The following RGS3 variants were observed in gnomAD, a reference collection of about 807,000 sequenced individuals.
The protein encoded by RGS3 is regulator of G-protein signalling 3.
A neutral mutation model predicts 132.6 loss-of-function variants in RGS3; 80 were observed. The observed-to-expected ratio is 0.60, with a 90% CI of 0.50 to 0.73. The LOEUF (loss-of-function observed/expected upper bound fraction) is 0.73, where lower values mean the gene tolerates loss of function less well. RGS3 is among the 30% of genes least tolerant of loss of function. The pLI is 0.00. For missense variants in RGS3, 1,382 were observed against 1,530.8 expected (o/e 0.90, Z 1.62); for synonymous variants, 598 against 620.6 (o/e 0.96, Z 0.54).
At chr9:113,475,966 G>A (rs1588142808) in intron 3 of RGS3, among the ~76,000 whole-genome samples, 3 of 151,036 alleles carry the variant, frequency 2.0e-5, no homozygotes, top group South Asian at 4.2e-4. Context: ...GTCTCACGCT[G>A]TTCCCCAAGG....
exon 5 of RGS3, chr9:113,483,094 G>C: frequency 1.2e-6 from 2 of 1,613,284 alleles, no homozygotes; most frequent in Non-Finnish European, 1.7e-6. Flanking sequence ...CAAACAGCCT[G>C]GCACCTGTGA....
chr9:113,514,292 A>T (rs1449071545), intron 14 of RGS3, among the ~76,000 whole-genome samples, 166 bp from the exon 13 acceptor site: 1 of 152,302 alleles, frequency 6.6e-6, no homozygotes, highest in Non-Finnish European at 1.5e-5. Context: ...GCCCGAGCCC[A>T]TGTGAAGCCT....
rs1374288781 is a variant in RGS3, at chr9:113,565,821, G to C, written c.2038-17629G>C. The C allele has an allele frequency of 5.2e-6, 1 of 192,422 alleles. No individual in the cohort carries two copies. Among genetic ancestry groups the C allele is most frequent in the Non-Finnish European group, 1.1e-5 (1 of 92,372 alleles). The allele number at this position is 192,422 out of a possible 1,614,324, so 11.9% of individuals were successfully genotyped here. On this transcript the variant is annotated intron_variant, in intron 19 of 24. Transcript: ENST00000350696. The surrounding 1 kb of genome is among the most constrained non-coding windows in gnomAD (Gnocchi z 5.7). ...TTTCTATTGTTTCTTCCCCAGGGCA[G>C]CCATTGATAGGCATGTTGCAACCAA... is the stretch of plus-strand genomic sequence containing the variant.
At position 113,565,454 on chromosome 9, in the gene RGS3, T is replaced by C; in HGVS notation, c.2038-17996T>C. On this transcript the variant is annotated intron_variant, in intron 19 of 24. Transcript: ENST00000350696. This position sits in a 1 kb window ranked among gnomAD's most constrained non-coding sequence, Gnocchi z 5.7. ...GAGGAGGGACGGGTGATGCAAGGGT[T>C]TTGAAAGCGCTACCTAGATGTGGGA... The C allele has an allele frequency of 1.7e-6, 2 of 1,153,750 alleles. No individual in the cohort carries two copies. Among genetic ancestry groups the C allele is most frequent in the South Asian group, 1.3e-5 (1 of 77,816 alleles). 71.5% of individuals were successfully genotyped at this position (1,153,750 alleles called of 1,614,324 possible).
rs115262038 is a variant in RGS3, at chr9:113,448,192, C to T, written c.-13+3265C>T. Among the ~76,000 whole-genome samples the T allele has an allele frequency of 1.6e-3, 251 of 152,172 alleles. 2 individuals carry two copies. The highest frequency in any genetic ancestry group is 5.6e-3 in the African/African-American group (231 of 41,538). ...ATCTTTACCCCGACCATCCATTCTT[C>T]CATCTTTCCACCATGTGAATATCAT... On this transcript the variant is annotated intron_variant, in intron 1 of 25. Coordinates refer to the RGS3 transcript ENST00000374140.
chr9:113,446,845 A>T (rs1189264661), intron 1 of RGS3, among the ~76,000 whole-genome samples: 1 of 152,196 alleles, frequency 6.6e-6, no homozygotes, highest in Non-Finnish European at 1.5e-5. Context: ...CTGACAGATT[A>T]TCAGTTGGGC....
intron 14 of RGS3, among the ~76,000 whole-genome samples, chr9:113,509,041 T>G (rs1276847266): frequency 6.6e-6 from 1 of 152,002 alleles, no homozygotes; most frequent in Non-Finnish European, 1.5e-5. Flanking sequence ...ATCCCAGCAC[T>G]TTGGCAGGCT....
At chr9:113,540,696 G>T (rs10981814) in intron 19 of RGS3, among the ~76,000 whole-genome samples, 18,108 of 152,250 alleles carry the variant, frequency 0.12, 1,296 homozygotes, top group African/African-American at 0.19. Context: ...TGTGCTCCAC[G>T]GGGAGGGACG....
chr9:113,497,245 G>T, intron 8 of RGS3, 69 bp from the exon 7 acceptor site: 1 of 1,252,056 alleles, frequency 8.0e-7, no homozygotes, highest in Admixed American at 1.8e-5. Flanking sequence ...TTTGGAGGGG[G>T]ATTGGTGGCT....
In RGS3 at chr9:113,587,421, A is replaced by C. The variant is rs570610893; in HGVS notation, c.3015+2994A>C. 1.8e-4 allele frequency among the ~76,000 whole-genome samples: 27 copies of C among 152,284 alleles called. No homozygotes were observed. In the East Asian group the frequency reaches 5.0e-3, roughly 28 times the overall value. On this transcript the variant is annotated intron_variant, in intron 20 of 24. Transcript: ENST00000350696. ...GTGGAGTCAGACAGACCCAGGTTCA[A>C]GTCTCAGCTCTGCCTCCTCCTCCCT...
In RGS3 at chr9:113,520,542, G is replaced by GT. The variant is rs768805637; in HGVS notation, c.1759-2366dup. On this transcript the variant is annotated intron_variant, in intron 16 of 24. Transcript: ENST00000350696. ...TTCCACCCCTCTCTGGGCCTGGGCT[G>GT]TTTTTTTTTTTTTTTTTTTTTTAAA... is the stretch of plus-strand genomic sequence containing the variant. Among the ~76,000 whole-genome samples the GT allele has an allele frequency of 4.8e-3, 616 of 127,398 alleles. 3 individuals are homozygous for GT. Among genetic ancestry groups the GT allele is most frequent in the African/African-American group, 9.0e-3 (308 of 34,208 alleles). 83.6% of individuals were successfully genotyped at this position (127,398 alleles called of 152,430 possible). A position where few individuals can be genotyped will look rare whatever the true frequency, so the allele number is the denominator to read the frequency against.
chr9:113,534,342 C>T (rs1035793287), intron 18 of RGS3, among the ~76,000 whole-genome samples: 2 of 152,152 alleles, frequency 1.3e-5, no homozygotes, highest in African/African-American at 4.8e-5. Context: ...GACATTTTCA[C>T]AAGTTGTAAT....
At chr9:113,481,440 C>T (rs1047774409) in intron 4 of RGS3, among the ~76,000 whole-genome samples, 2 of 152,214 alleles carry the variant, frequency 1.3e-5, no homozygotes, top group East Asian at 1.9e-4. Context: ...AACCAGGATA[C>T]TGGGCAGAGT....
chr9:113,474,261 G>A (rs572083629), intron 3 of RGS3, among the ~76,000 whole-genome samples: 13 of 152,248 alleles, frequency 8.5e-5, no homozygotes, highest in African/African-American at 2.9e-4. Context: ...CAATTTTTAT[G>A]CCAGTGCTGT....
chr9:113,565,249 C>G lies in RGS3; in HGVS notation c.2038-18201C>G. The stretch of plus-strand genomic sequence containing the variant: ...TGGCCCAGGACCCTCTTCTTTGAGA[C>G]ATCCCGGACTCCATCTCGGATGAAA... On this transcript the variant is annotated intron_variant, in intron 19 of 24. Coordinates refer to ENST00000350696, the Ensembl canonical transcript of RGS3. The surrounding 1 kb of genome is among the most constrained non-coding windows in gnomAD (Gnocchi z 5.7). 7.8e-7 allele frequency: 1 copy of G among 1,287,310 alleles called. No homozygotes were observed. The highest frequency in any genetic ancestry group is 1.0e-6 in the Non-Finnish European group (1 of 987,418). The allele number at this position is 1,287,310 out of a possible 1,614,324, so 79.7% of individuals were successfully genotyped here.
intron 10 of RGS3, chr9:113,501,282 C>CA: frequency 1.6e-6 from 1 of 607,394 alleles, no homozygotes; most frequent in South Asian, 3.2e-5. Context: ...GCAGCCAGAA[C>CA]AAAGGCGCCC....
exon 15 of RGS3, chr9:113,514,541 G>A (rs754059296): frequency 3.1e-6 from 5 of 1,614,166 alleles, no homozygotes; most frequent in Non-Finnish European, 4.2e-6. Flanking sequence ...GACCATGAAG[G>A]GCCACGGGAA....
chr9:113,530,223 G>T (rs1224468306), intron 18 of RGS3, among the ~76,000 whole-genome samples: 1 of 152,248 alleles, frequency 6.6e-6, no homozygotes, highest in Non-Finnish European at 1.5e-5. Flanking sequence ...CATTCTTTCA[G>T]TTCCTGGCTA....
intron 4 of RGS3, among the ~76,000 whole-genome samples, chr9:113,482,419 A>G (rs1455657359): frequency 6.6e-6 from 1 of 152,172 alleles, no homozygotes; most frequent in Non-Finnish European, 1.5e-5. Flanking sequence ...TCTAGCTTAT[A>G]TGGTGAGTAA....
Sources: allele counts gnomAD v4.1 joint callset (sites outside exome capture counted in the v4.1 genomes callset), GRCh38; gene constraint gnomAD v4.1.1; non-coding constraint Gnocchi (gnomAD v3.1); transcripts MANE v1.5; gene names NCBI Gene and HGNC (gene_info 2026-07-23, HGNC 2026-07-21).